The following ATP2A3 variants were observed in gnomAD, a reference collection of about 807,000 sequenced individuals.
ATP2A3 encodes sarcoplasmic/endoplasmic reticulum calcium ATPase 3.
In ATP2A3, 61 loss-of-function variants were observed where a neutral mutation model predicts 106.8. That is an observed-to-expected ratio of 0.57 (90% confidence interval 0.46 to 0.71). The LOEUF is 0.71. ATP2A3 is among the 30% of genes least tolerant of loss of function. The pLI is 0.00. For synonymous variants in ATP2A3, 611 were observed against 609.3 expected (o/e 1.00, Z -0.04); for missense variants, 1,201 against 1,423.5 (o/e 0.84, Z 2.52).
chr17:3,958,773 T>C (rs75177535), intron 1 of ATP2A3, among the ~76,000 whole-genome samples: 1 of 131,764 alleles, frequency 7.6e-6, no homozygotes. Flanking sequence ...CACATATATA[T>C]ACACACACAT....
intron 1 of ATP2A3, among the ~76,000 whole-genome samples, chr17:3,957,899 G>C (rs1451258785): frequency 2.6e-5 from 4 of 152,224 alleles, no homozygotes; most frequent in East Asian, 1.9e-4. Flanking sequence ...CGCTCTCTCT[G>C]AGAGCCACAG....
chr17:3,947,524 A>T lies in ATP2A3; in HGVS notation c.962T>A (p.Leu321Gln). 1 of 1,613,352 alleles carries T rather than the reference A, an allele frequency of 6.2e-7. No homozygotes were observed. The highest frequency in any genetic ancestry group is 8.5e-7 in the Non-Finnish European group (1 of 1,179,968). Residue 321 changes from leucine to glutamine, a missense_variant, in exon 8 of 21, where the codon CTG becomes CAG. Physicochemically the swap from Leu to Gln is moderately radical, Grantham distance 113 (BLOSUM62 -2). Around this residue, in one of 2 missense-constraint regions of ATP2A3, gnomAD observed 935 missense variants for 1,176.7 expected, o/e 0.79. Coordinates refer to ENST00000397041, the MANE Select transcript of ATP2A3 (RefSeq NM_005173.4). This position sits in a 1 kb window ranked among gnomAD's most constrained non-coding sequence, Gnocchi z 7.7. ...CTTGCGTGCCATGCGCCGCGTGCCC[A>T]GTGCCAGGCATGTAGTGATGACAGC... ...LPAVITTCLALGTRRMARKNA... is the reference protein window; with the variant it reads ...LPAVITTCLAQGTRRMARKNA...
intron 4 of ATP2A3, 38 bp downstream of exon 4, chr17:3,951,543 A>ACCCCCCCCCCCCCCCCGCCCCCCCCCCC: frequency 7.2e-7 from 1 of 1,387,008 alleles, no homozygotes; most frequent in Non-Finnish European, 9.9e-7. Context: ...TGGCTGGGAG[A>ACCCCCCCCCCCCCCCCGCCCCCCCCCCC]CCGCCCCCCG....
chr17:3,935,918 C>G (rs564932715), intron 16 of ATP2A3, among the ~76,000 whole-genome samples: 13 of 152,284 alleles, frequency 8.5e-5, no homozygotes, highest in South Asian at 2.1e-4. Flanking sequence ...AGCCACCATG[C>G]CCAGCCCAGG....
At chr17:3,937,972 G>A (rs1329803784) in intron 14 of ATP2A3, among the ~76,000 whole-genome samples, 4 of 152,248 alleles carry the variant, frequency 2.6e-5, no homozygotes, top group Admixed American at 2.0e-4. Context: ...TGAGGTTAGG[G>A]AGAAAGCTGA....
chr17:3,955,139 G>A lies in ATP2A3; in HGVS notation c.119-1429C>T, dbSNP rs901126682. Among the ~76,000 whole-genome samples the A allele has an allele frequency of 1.3e-5, 2 of 152,242 alleles. No homozygotes were observed. Among genetic ancestry groups the A allele is most frequent in the Non-Finnish European group, 2.9e-5 (2 of 68,038 alleles). ...AAAGGACAGTCTCCGGACATCTGTG[G>A]CATCTCCCCGAAGCTCGTTAGCCAT... On this transcript the variant is annotated intron_variant, in intron 1 of 20. Transcript: ENST00000397041. The surrounding 1 kb of genome is among the most constrained non-coding windows in gnomAD (Gnocchi z 4.2).
chr17:3,944,930 C>T (rs1432611479), intron 9 of ATP2A3, 124 bp from the exon 10 acceptor site: 3 of 1,333,762 alleles, frequency 2.2e-6, no homozygotes, highest in African/African-American at 1.5e-5. Flanking sequence ...GCTCCGCCTC[C>T]TGGCCCCGCC....
chr17:3,958,640 A>G (rs1333270944), intron 1 of ATP2A3, among the ~76,000 whole-genome samples: 1 of 151,432 alleles, frequency 6.6e-6, no homozygotes, highest in Non-Finnish European at 1.5e-5. Context: ...ATTGTACACA[A>G]TTATGGGGTC....
chr17:3,935,524 G>A lies in ATP2A3; in HGVS notation c.2525-247C>T, dbSNP rs575646759. Among the ~76,000 whole-genome samples the A allele has an allele frequency of 2.1e-3, 317 of 148,338 alleles. 2 individuals are homozygous for A. The highest frequency in any genetic ancestry group is 3.3e-3 in the Non-Finnish European group (220 of 67,490). On this transcript the variant is annotated intron_variant, in intron 16 of 20. Transcript: ENST00000397041. The stretch of plus-strand genomic sequence containing the variant: ...ACCCTATGTGGGCCAATGAGAACAG[G>A]CCTGTTGAGACTTTTTTTTTTTTTT...
rs780986696 is a variant in ATP2A3 at position 3,937,548 on chromosome 17, G to A, written c.2189C>T (p.Ala730Val). The A allele has an allele frequency of 1.5e-5, 25 of 1,613,992 alleles. No individual in the cohort carries two copies. The highest frequency in any genetic ancestry group is 4.5e-5 in the East Asian group (2 of 44,882). Reference sequence around the variant, plus strand: ...GTCATCTGACAGCACCATCTCTGCCGCCGACTTGGCCACGGCCGTGCCTGA... The same window carrying A: ...GTCATCTGACAGCACCATCTCTGCCACCGACTTGGCCACGGCCGTGCCTGA... ...MGSGTAVAKS[A>V]AEMVLSDDNF... The change falls in exon 15 of 21, where the codon GCG becomes GTG. Residue 730 changes from alanine (A) to valine (V), a missense_variant. Around this residue, in one of 2 missense-constraint regions of ATP2A3, gnomAD observed 935 missense variants for 1,176.7 expected, o/e 0.79. Transcript: ENST00000397041.
At position 3,930,012 on chromosome 17, in the gene ATP2A3, C is replaced by T. The variant is rs2052963584; in HGVS notation, c.2744+289G>A. Reference sequence around the variant, plus strand: ...AGACCCCAGTCTGGGATGCTCTTGACCTCTGGACCCCAATCCTGGACCCCC... The same window carrying T: ...AGACCCCAGTCTGGGATGCTCTTGATCTCTGGACCCCAATCCTGGACCCCC... On this transcript the variant is annotated intron_variant, in intron 18 of 20. Transcript: ENST00000397041. The surrounding 1 kb of genome is among the most constrained non-coding windows in gnomAD (Gnocchi z 5.4). Among the ~76,000 whole-genome samples, 1 of 150,700 alleles carries T rather than the reference C, an allele frequency of 6.6e-6. No homozygotes were observed. The highest frequency in any genetic ancestry group is 1.5e-5 in the Non-Finnish European group (1 of 67,706).
intron 1 of ATP2A3, among the ~76,000 whole-genome samples, chr17:3,954,462 A>G (rs971038384): frequency 1.5e-5 from 2 of 135,008 alleles, no homozygotes; most frequent in African/African-American, 5.7e-5. Flanking sequence ...CACTGTTTCC[A>G]AACTCTAACA....
In ATP2A3 at chr17:3,964,332, C is replaced by A; in HGVS notation, c.-41G>T. 1 of 1,086,906 alleles carries A rather than the reference C, an allele frequency of 9.2e-7. No individual in the cohort carries two copies. The highest frequency in any genetic ancestry group is 1.1e-6 in the Non-Finnish European group (1 of 878,776). The allele number at this position is 1,086,906 out of a possible 1,614,324, so 67.3% of individuals were successfully genotyped here. A position where few individuals can be genotyped will look rare whatever the true frequency, so the allele number is the denominator to read the frequency against. On this transcript the variant is annotated 5_prime_UTR_variant, in exon 1 of 21. Coordinates refer to ENST00000397041, the MANE Select transcript of ATP2A3 (RefSeq NM_005173.4). ...GTCTGCGCCGTCCGCACCGTCGAGG[C>A]CGCCTCTCCGCCGGGGGGCTACAAA...
intron 12 of ATP2A3, 77 bp from the exon 13 acceptor site, chr17:3,941,731 A>G (rs2053791900): frequency 1.3e-6 from 2 of 1,486,402 alleles, no homozygotes. Flanking sequence ...AACTCAGGAA[A>G]CTGAGACTAA....
chr17:3,938,127 G>A (rs575973085), intron 14 of ATP2A3, among the ~76,000 whole-genome samples: 2 of 152,176 alleles, frequency 1.3e-5, no homozygotes, highest in Non-Finnish European at 2.9e-5. Context: ...GTCTGGAGTT[G>A]CAATCAAGGT....
chr17:3,937,276 G>C lies in ATP2A3; in HGVS notation c.2321+140C>G, dbSNP rs1245340566. ...GGTGCTCTCCCCTGTCCACTCCAAGGTGGGACCCTGGAAAGCCCCAGCCAG... is the reference window on the plus strand; with the variant it reads ...GGTGCTCTCCCCTGTCCACTCCAAGCTGGGACCCTGGAAAGCCCCAGCCAG... On this transcript the variant is annotated intron_variant, in intron 15 of 20. Coordinates refer to ENST00000397041, the MANE Select transcript of ATP2A3 (RefSeq NM_005173.4). 7 of 983,772 alleles carry C rather than the reference G, an allele frequency of 7.1e-6. No homozygotes were observed. In the East Asian group the frequency reaches 1.8e-4, roughly 26 times the overall value. The allele number at this position is 983,772 out of a possible 1,614,324, so 60.9% of individuals were successfully genotyped here.
In ATP2A3 at chr17:3,936,739, C is replaced by G. The variant is rs2053467316; in HGVS notation, c.2322-270G>C. Reference sequence around the variant, plus strand: ...GGCCAAGTACACACACACACACACACACACACACACACACACGCACACGAA... The same window carrying G: ...GGCCAAGTACACACACACACACACAGACACACACACACACACGCACACGAA... On this transcript the variant is annotated intron_variant, in intron 15 of 20. Coordinates refer to ENST00000397041, the MANE Select transcript of ATP2A3 (RefSeq NM_005173.4). This position sits in a 1 kb window ranked among gnomAD's most constrained non-coding sequence, Gnocchi z 5.4. 2.0e-6 allele frequency: 1 copy of G among 500,154 alleles called. No homozygotes were observed. The highest frequency in any genetic ancestry group is 3.7e-6 in the Non-Finnish European group (1 of 273,446). 31.0% of individuals were successfully genotyped at this position (500,154 alleles called of 1,614,324 possible). A position where few individuals can be genotyped will look rare whatever the true frequency, so the allele number is the denominator to read the frequency against.
At position 3,929,367 on chromosome 17, in the gene ATP2A3, C is replaced by T. The variant is rs138830033; in HGVS notation, c.2823G>A (p.Met941Ile). The change falls in exon 19 of 21, where the codon ATG becomes ATA. Residue 941 changes from methionine (M) to isoleucine (I), a missense_variant. By Grantham distance (10) the Met-to-Ile change is conservative. This residue lies in a region of ATP2A3 where 935 missense variants were observed against 1,176.7 expected (regional missense o/e 0.79). Transcript: ENST00000397041. This position sits in a 1 kb window ranked among gnomAD's most constrained non-coding sequence, Gnocchi z 4.3. Reference protein sequence around the residue: ...PWLLVAVAMSMALHFLILLVP... With the variant: ...PWLLVAVAMSIALHFLILLVP... ...CGAGCAGGATGAGGAAGTGCAGGGC[C>T]ATGGACATGGCCACAGCCACCAGCA... 4.3e-4 allele frequency: 670 copies of T among 1,567,126 alleles called. 2 individuals carry two copies. Among genetic ancestry groups the T allele is most frequent in the Admixed American group, 1.9e-4 (10 of 53,274 alleles).
At chr17:3,937,673 C>A (rs371921312) in intron 14 of ATP2A3, 37 bp from the exon 15 acceptor site, 1 of 1,599,074 alleles carries the variant, frequency 6.3e-7, no homozygotes, top group Non-Finnish European at 8.5e-7. Context: ...GCCTGAGAAA[C>A]TTCCCTTCCA....
Sources: allele counts gnomAD v4.1 joint callset (sites outside exome capture counted in the v4.1 genomes callset), GRCh38; gene constraint gnomAD v4.1.1; regional missense constraint gnomAD v4.1.1; non-coding constraint Gnocchi (gnomAD v3.1); transcripts MANE v1.5; gene names NCBI Gene and HGNC (gene_info 2026-07-23, HGNC 2026-07-21).